RELN: variants seen among roughly 807,000 people sequenced by gnomAD.
The protein encoded by RELN is reelin.
RELN carries 108 observed loss-of-function variants against 427.6 expected under a neutral mutation model. The ratio of observed to expected loss-of-function variants is 0.25; its 90% confidence interval spans 0.22 to 0.30. The LOEUF (loss-of-function observed/expected upper bound fraction) is 0.30, where lower values mean the gene tolerates loss of function less well. Among genes scored for constraint, RELN ranks in the 10% least tolerant of loss-of-function variants. The pLI, the probability that RELN is intolerant of heterozygous loss-of-function variation, is 1.00. For missense variants in RELN, 3,715 were observed against 4,302.8 expected, an observed-to-expected ratio of 0.86 and a Z score of 3.82; for synonymous variants, 1,524 against 1,513.4, an observed-to-expected ratio of 1.01 and a Z score of -0.16.
At chr7:103,940,986 G>T (rs1182127010) in intron 1 of RELN, among the ~76,000 whole-genome samples, 2 of 152,102 alleles carry the variant, frequency 1.3e-5, no homozygotes, top group East Asian at 3.9e-4. Flanking sequence ...TAATTCTAAA[G>T]GTCAAGAATG....
chr7:103,632,706 C>T (rs1832496934), intron 19 of RELN, among the ~76,000 whole-genome samples: 1 of 152,006 alleles, frequency 6.6e-6, no homozygotes, highest in African/African-American at 2.4e-5. Context: ...TTTGTAGGTC[C>T]TAACCTCATA....
Position 103,654,171 on chromosome 7 carries a change from A to G in RELN, c.1476T>C (p.Asn492=), listed in dbSNP as rs1346925029. The G allele has an allele frequency of 6.2e-7, 1 of 1,611,624 alleles. No homozygotes were observed. Among genetic ancestry groups the G allele is most frequent in the East Asian group, 2.2e-5 (1 of 44,784 alleles). ...GICDPGNSHE[N]DIILYAKIEG... ...CAATTTTTGCATACAGGATTATGTC[A>G]TTTTCATGAGAATTTCCAGGGTCAC... The change falls in exon 13 of 65, where the codon AAT becomes AAC. Residue 492 remains asparagine (N), a synonymous_variant. Coordinates refer to ENST00000428762, the MANE Select transcript of RELN (RefSeq NM_005045.4).
intron 46 of RELN, among the ~76,000 whole-genome samples, chr7:103,524,974 G>A (rs142686397): frequency 6.6e-6 from 1 of 152,146 alleles, no homozygotes; most frequent in African/African-American, 2.4e-5. Context: ...CCTGATATCC[G>A]CCTGAACCTG....
chr7:103,582,702 T>C (rs1831180261), intron 28 of RELN, among the ~76,000 whole-genome samples: 1 of 152,160 alleles, frequency 6.6e-6, no homozygotes, highest in Non-Finnish European at 1.5e-5. Context: ...TCTTGCCAGA[T>C]GATGCAAAGT....
chr7:103,672,528 A>G (rs1490862120), intron 11 of RELN, among the ~76,000 whole-genome samples: 1 of 152,204 alleles, frequency 6.6e-6, no homozygotes, highest in East Asian at 1.9e-4. Flanking sequence ...ACCTAGGTCA[A>G]AAGAAAATCA....
chr7:103,677,765 CAAAAAAAA>C (rs60678229), intron 11 of RELN, among the ~76,000 whole-genome samples: 3 of 56,032 alleles, frequency 5.4e-5, no homozygotes, highest in African/African-American at 7.0e-5. Flanking sequence ...GAATCTGTCT[CAAAAAAAA>C]AAAAAAAAAA....
intron 16 of RELN, among the ~76,000 whole-genome samples, chr7:103,645,846 G>T (rs1832786471): frequency 6.6e-6 from 1 of 151,750 alleles, no homozygotes; most frequent in African/African-American, 2.4e-5. Flanking sequence ...TCTCATGAGT[G>T]CATGAAAGAT....
intron 63 of RELN, among the ~76,000 whole-genome samples, chr7:103,481,043 C>T (rs1385875160): frequency 6.6e-6 from 1 of 152,192 alleles, no homozygotes; most frequent in African/African-American, 2.4e-5. Flanking sequence ...AGGCTTCCTG[C>T]CGGTGCTCTG....
At position 103,497,818 on chromosome 7, in the gene RELN, G is replaced by A. The variant is rs1828885553; in HGVS notation, c.8950+2C>T. 1 of 1,613,374 alleles carries A rather than the reference G, an allele frequency of 6.2e-7. No individual in the cohort carries two copies. The highest frequency in any genetic ancestry group is 8.5e-7 in the Non-Finnish European group (1 of 1,179,346). ...GGGGTGGTTTTCACCCCTGACACAT[G>A]CCTCCATCGGTAGAGTAGTCCAACA... On this transcript the variant is annotated splice_donor_variant, in intron 55 of 64. Coordinates refer to ENST00000428762, the MANE Select transcript of RELN (RefSeq NM_005045.4). LOFTEE classifies it low-confidence loss of function (GC_TO_GT_DONOR).
At chr7:103,732,681 C>T (rs1432202029) in intron 6 of RELN, among the ~76,000 whole-genome samples, 20 of 152,070 alleles carry the variant, frequency 1.3e-4, no homozygotes, top group Non-Finnish European at 2.9e-4. Flanking sequence ...GAAAGTAATT[C>T]CTGGCTTACC....
chr7:103,802,087 C>A (rs1055852347), intron 3 of RELN, among the ~76,000 whole-genome samples: 7 of 152,012 alleles, frequency 4.6e-5, no homozygotes, highest in Non-Finnish European at 1.0e-4. Context: ...TAAATACAAA[C>A]CAGGTTTCCT....
At chr7:103,772,246 A>T (rs1791586797) in intron 4 of RELN, among the ~76,000 whole-genome samples, 1 of 152,240 alleles carries the variant, frequency 6.6e-6, no homozygotes, top group African/African-American at 2.4e-5. Flanking sequence ...CTCAAGGAGC[A>T]TATATCTCAT....
At chr7:103,943,224 G>A (rs1796151458) in intron 1 of RELN, among the ~76,000 whole-genome samples, 1 of 152,148 alleles carries the variant, frequency 6.6e-6, no homozygotes, top group Non-Finnish European at 1.5e-5. Flanking sequence ...GTTTAGCCTT[G>A]GTCATAGTGG....
intron 2 of RELN, among the ~76,000 whole-genome samples, chr7:103,878,526 G>A (rs926015730): frequency 4.6e-5 from 7 of 152,150 alleles, no homozygotes; most frequent in Non-Finnish European, 1.0e-4. Context: ...AAGAGTAGGT[G>A]TTCACTAGAG....
At chr7:103,930,678 G>C (rs1000901132) in intron 1 of RELN, among the ~76,000 whole-genome samples, 2 of 151,964 alleles carry the variant, frequency 1.3e-5, no homozygotes, top group African/African-American at 2.4e-5. Flanking sequence ...TGTGGCCCAG[G>C]CTGGTCTCTA....
chr7:103,698,230 T>C, intron 9 of RELN, 137 bp from the exon 10 acceptor site: 1 of 1,082,034 alleles, frequency 9.2e-7, no homozygotes, highest in Non-Finnish European at 1.4e-6. Context: ...TACAATCTCA[T>C]AGCCCTTAAA....
intron 49 of RELN, 75 bp downstream of exon 49, chr7:103,519,248 A>C: frequency 1.7e-6 from 2 of 1,148,834 alleles, no homozygotes; most frequent in East Asian, 2.3e-5. Context: ...GGTCCCCCTC[A>C]GTCTCCCGTG....
chr7:103,585,576 CA>C (rs1032502686), intron 28 of RELN, among the ~76,000 whole-genome samples: 1 of 151,974 alleles, frequency 6.6e-6, no homozygotes, highest in African/African-American at 2.4e-5. Flanking sequence ...CTTCCAACAA[CA>C]AAAACAACAA....
At chr7:103,883,901 T>C (rs1032245310) in intron 2 of RELN, among the ~76,000 whole-genome samples, 1 of 152,176 alleles carries the variant, frequency 6.6e-6, no homozygotes, top group Non-Finnish European at 1.5e-5. Flanking sequence ...CAAGTTGCCA[T>C]TGACTTTCTT....
Sources: gnomAD v4.1 joint callset for allele counts (sites outside exome capture counted in the v4.1 genomes callset) on GRCh38, gnomAD v4.1.1 for gene constraint, MANE v1.5 for transcripts, NCBI Gene and HGNC (gene_info 2026-07-23, HGNC 2026-07-21) for gene names.